SLC25A35: variants seen among roughly 807,000 people sequenced by gnomAD.
SLC25A35 encodes the protein solute carrier family 25 member 35, also known as solute carrier family 25, member 35.
SLC25A35 carries 32 observed loss-of-function variants against 30.5 expected under a neutral mutation model. The observed-to-expected ratio is 1.05, with a 90% CI of 0.79 to 1.41. The LOEUF is 1.41. Ranked by LOEUF, SLC25A35 falls within the 40% of genes most tolerant of loss-of-function variation. SLC25A35 has a pLI of 0.00. For missense variants in SLC25A35, 369 were observed against 388.0 expected (o/e 0.95, Z 0.41); for synonymous variants, 142 against 158.1 (o/e 0.90, Z 0.77).
chr17:8,288,890 G>A (rs1299181504), downstream of SLC25A35: 4 of 1,614,038 alleles, frequency 2.5e-6, no homozygotes, highest in Admixed American at 6.7e-5. Context: ...GCGCCCAGGG[G>A]CGGCTGACTG....
chr17:8,290,627 C>G lies in SLC25A35; in HGVS notation c.781G>C (p.Glu261Gln). The G allele has an allele frequency of 6.5e-7, 1 of 1,540,042 alleles. No individual in the cohort carries two copies. The highest frequency in any genetic ancestry group is 8.7e-7 in the Non-Finnish European group (1 of 1,148,576). ...CCCTTGTACATGCCAAAAATGCCCT[C>G]GGTCCGAGCTGTCTGCAGCAGAGCG... ...LDALLQTARTEGIFGMYKGIG... is the reference protein window; with the variant it reads ...LDALLQTARTQGIFGMYKGIG... The change falls in exon 5 of 5, where the codon GAG becomes CAG. Residue 261 changes from glutamate to glutamine, a missense_variant. By Grantham distance (29) the Glu-to-Gln change is conservative. Transcript: ENST00000577745.
rs1480574105 is a variant in SLC25A35, at chr17:8,295,267, T to C, written c.-460A>G. The C allele has an allele frequency of 1.0e-6, 1 of 987,756 alleles. No individual in the cohort carries two copies. Among genetic ancestry groups the C allele is most frequent in the Admixed American group, 6.1e-5 (1 of 16,388 alleles). The allele number at this position is 987,756 out of a possible 1,614,324, so 61.2% of individuals were successfully genotyped here. On this transcript the variant is annotated 5_prime_UTR_variant, in exon 1 of 5. Transcript: ENST00000577745. ...TGATTTCCTCGAGCCAGCAACGAGA[T>C]CTCGATCCGAGAAAGAAGTCAGGAC...
chr17:8,293,531 A>T (rs933849226), intron 1 of SLC25A35, among the ~76,000 whole-genome samples: 38 of 150,638 alleles, frequency 2.5e-4, no homozygotes, highest in African/African-American at 8.0e-4. Flanking sequence ...AAGCTCAACA[A>T]CTAGTAATTT....
intron 3 of SLC25A35, 33 bp from the exon 4 acceptor site, chr17:8,291,009 C>T (rs1230069850): frequency 6.2e-7 from 1 of 1,612,432 alleles, no homozygotes. Flanking sequence ...CGTTGTCAAC[C>T]AGCCAACTAT....
At chr17:8,291,590 C>T (rs938021251) in intron 2 of SLC25A35, 105 bp from the exon 3 acceptor site, 1 of 1,427,052 alleles carries the variant, frequency 7.0e-7, no homozygotes, top group Non-Finnish European at 9.4e-7. Flanking sequence ...CTTGTCCAGA[C>T]AACCAGTTCA....
At chr17:8,289,808 C>T, downstream of SLC25A35, 1 of 1,613,810 alleles carries the variant, frequency 6.2e-7, no homozygotes, top group Non-Finnish European at 8.5e-7. Context: ...TTCCCCCACC[C>T]CAAGCCCTGA....
At chr17:8,289,557 A>T, downstream of SLC25A35, 12 of 1,613,932 alleles carry the variant, frequency 7.4e-6, no homozygotes, top group Non-Finnish European at 1.0e-5. Context: ...CCAGTACCAG[A>T]CTGATCTCTT....
downstream of SLC25A35, chr17:8,289,447 G>C: frequency 5.0e-6 from 8 of 1,614,112 alleles, no homozygotes; most frequent in Non-Finnish European, 6.8e-6. Context: ...TGTCCTGGAA[G>C]GGCGGTAGCG....
rs1451702970 is a variant in SLC25A35, at chr17:8,290,582, G to A, written c.826C>T (p.Arg276Cys). ...GAGAGGATGGTGTGGGGGCCGAGGC[G>A]GAAGTAGGAGGCACCTATACCCTTG... ...MYKGIGASYF[R>C]LGPHTILSLF... The change falls in exon 5 of 5, where the codon CGC (arginine) becomes TGC (cysteine). Residue 276 changes from arginine (R) to cysteine (C), a missense_variant. Transcript: ENST00000577745. The A allele has an allele frequency of 1.4e-5, 22 of 1,536,176 alleles. No homozygotes were observed. The highest frequency in any genetic ancestry group is 9.5e-5 in the South Asian group (8 of 84,120).
chr17:8,294,310 C>A (rs1990715164), intron 1 of SLC25A35, 123 bp downstream of exon 1: 2 of 1,056,326 alleles, frequency 1.9e-6, no homozygotes, highest in East Asian at 2.5e-5. Context: ...CCAGCACTTT[C>A]CTGATGCCTT....
downstream of SLC25A35, chr17:8,288,669 C>A (rs1990228334): frequency 8.6e-7 from 1 of 1,156,532 alleles, no homozygotes; most frequent in Admixed American, 1.7e-5. Flanking sequence ...TTAAAGGATC[C>A]GGGAGCTAAG....
At chr17:8,289,700 G>A, downstream of SLC25A35, 1 of 1,610,896 alleles carries the variant, frequency 6.2e-7, no homozygotes, top group Admixed American at 1.7e-5. Context: ...AAGCAGGAGT[G>A]GGCCAGAGGT....
intron 4 of SLC25A35, 32 bp downstream of exon 4, chr17:8,290,810 C>T: frequency 6.2e-7 from 1 of 1,608,530 alleles, no homozygotes; most frequent in Non-Finnish European, 8.5e-7. Context: ...CCATCCCCTG[C>T]TTCCCGCCTG....
Position 8,291,397 on chromosome 17 carries a change from A to G in SLC25A35, c.530T>C (p.Ile177Thr). ...RGALGGLPRV[I>T]VGSSTQLCTF... is the part of the protein sequence containing the mutation. ...GCACAGCTGGGTGGAGGAACCGACG[A>G]TAACTCGGGGCAGGCCGCCCAGAGC... Residue 177 changes from isoleucine to threonine, a missense_variant, in exon 3 of 5, where the codon ATC (isoleucine) becomes ACC (threonine). Transcript: ENST00000577745. 2 of 1,614,188 alleles carry G rather than the reference A, an allele frequency of 1.2e-6. No homozygotes were observed. Among genetic ancestry groups the G allele is most frequent in the South Asian group, 2.2e-5 (2 of 91,090 alleles).
intron 1 of SLC25A35, among the ~76,000 whole-genome samples, chr17:8,293,299 TC>T (rs1990629258): frequency 6.6e-6 from 1 of 152,126 alleles, no homozygotes; most frequent in South Asian, 2.1e-4. Flanking sequence ...GCCTTCCTGA[TC>T]CCTAGACTCT....
downstream of SLC25A35, chr17:8,288,631 C>A (rs1990226466): frequency 3.5e-6 from 3 of 853,740 alleles, no homozygotes; most frequent in South Asian, 1.4e-5. Context: ...GCCGATTGGC[C>A]AACGAGAGCG....
Position 8,294,730 on chromosome 17 carries a change from C to A in SLC25A35, c.78G>T (p.Arg26Ser). The change falls in exon 1 of 5, where the codon AGG (arginine) becomes AGT (serine). Residue 26 changes from arginine (R) to serine (S), a missense_variant. Transcript: ENST00000577745. ...CCTGCAGTTCTCCTTGCAACTGCAT[C>A]CTGGTCTTCACCACCTCCAGGGGAT... ...FTNPLEVVKT[R>S]MQLQGELQAP... 6.2e-7 allele frequency: 1 copy of A among 1,614,092 alleles called. No individual in the cohort carries two copies. Among genetic ancestry groups the A allele is most frequent in the East Asian group, 2.2e-5 (1 of 44,880 alleles).
downstream of SLC25A35, chr17:8,288,461 CAAG>C: frequency 2.3e-6 from 1 of 434,456 alleles, no homozygotes; most frequent in Non-Finnish European, 4.3e-6. Flanking sequence ...ATCAATCAAT[CAAG>C]AGGAGGCTGG....
intron 3 of SLC25A35, 31 bp from the exon 4 acceptor site, chr17:8,291,007 A>G (rs1567660156): frequency 1.9e-6 from 3 of 1,612,882 alleles, no homozygotes; most frequent in Non-Finnish European, 2.5e-6. Context: ...AGCGTTGTCA[A>G]CCAGCCAACT....
Sources: allele counts gnomAD v4.1 joint callset (sites outside exome capture counted in the v4.1 genomes callset), GRCh38; gene constraint gnomAD v4.1.1; transcripts MANE v1.5; gene names NCBI Gene and HGNC (gene_info 2026-07-23, HGNC 2026-07-21).